Variants in C1QTNF3 observed in about 807,000 individuals in gnomAD.
C1QTNF3 encodes complement C1q tumor necrosis factor-related protein 3.
A neutral mutation model predicts 32.6 loss-of-function variants in C1QTNF3; 26 were observed. The observed-to-expected ratio is 0.80, with a 90% CI of 0.58 to 1.11. The LOEUF is 1.11. Among genes scored for constraint, C1QTNF3 ranks in the 50% least tolerant of loss-of-function variants. The probability of loss-of-function intolerance (pLI) is 0.00; values close to 1 mark genes in which losing one functional copy is unlikely to be tolerated. For missense variants in C1QTNF3, 362 were observed against 398.2 expected (o/e 0.91, Z 0.77); for synonymous variants, 155 against 146.0 (o/e 1.06, Z -0.44).
the C1QTNF3 span, among the ~76,000 whole-genome samples, chr5:34,209,904 T>G: frequency 6.6e-6 from 1 of 152,118 alleles, no homozygotes. Flanking sequence ...CTGGTCTCAA[T>G]AGTAAATCTG....
At chr5:34,112,909 C>G in the C1QTNF3 span, among the ~76,000 whole-genome samples, 1 of 151,844 alleles carries the variant, frequency 6.6e-6, no homozygotes, top group Non-Finnish European at 1.5e-5. Flanking sequence ...CACATGGTGA[C>G]AGAGGAGCAG....
At chr5:34,235,349 T>C in the C1QTNF3 span, among the ~76,000 whole-genome samples, 578 of 152,226 alleles carry the variant, frequency 3.8e-3, 1 homozygote, top group Non-Finnish European at 5.9e-3. Flanking sequence ...TGGAGACATT[T>C]TGAATTATAA....
the C1QTNF3 span, among the ~76,000 whole-genome samples, chr5:34,238,026 T>C: frequency 6.6e-6 from 1 of 152,206 alleles, no homozygotes; most frequent in African/African-American, 2.4e-5. Flanking sequence ...CATCAAAATT[T>C]ATCCTGCTAC....
At chr5:34,059,255 T>A in the C1QTNF3 span, among the ~76,000 whole-genome samples, 2 of 152,164 alleles carry the variant, frequency 1.3e-5, no homozygotes, top group African/African-American at 4.8e-5. Context: ...TGGTCGTCCA[T>A]GTGTGCACGT....
At chr5:34,128,013 G>C in the C1QTNF3 span, among the ~76,000 whole-genome samples, 1 of 152,178 alleles carries the variant, frequency 6.6e-6, no homozygotes, top group Admixed American at 6.5e-5. Context: ...CTTCACGGCT[G>C]CAACTCCCAT....
At chr5:34,145,599 A>C in the C1QTNF3 span, among the ~76,000 whole-genome samples, 1 of 151,704 alleles carries the variant, frequency 6.6e-6, no homozygotes, top group Admixed American at 6.5e-5. Context: ...AACTATTCCA[A>C]AAAATTGAGG....
the C1QTNF3 span, among the ~76,000 whole-genome samples, chr5:34,070,108 C>G: frequency 6.6e-6 from 1 of 152,156 alleles, no homozygotes; most frequent in Non-Finnish European, 1.5e-5. Context: ...GGATACACAG[C>G]TAGCCTACAT....
At chr5:34,213,704 A>ATGTGTATATATC in the C1QTNF3 span, among the ~76,000 whole-genome samples, 1 of 142,262 alleles carries the variant, frequency 7.0e-6, no homozygotes, top group African/African-American at 2.6e-5. Context: ...GTATATATAT[A>ATGTGTATATATC]TGTGTATATA....
chr5:34,112,845 G>A, the C1QTNF3 span, among the ~76,000 whole-genome samples: 1 of 152,106 alleles, frequency 6.6e-6, no homozygotes, highest in Non-Finnish European at 1.5e-5. Flanking sequence ...TGGTTATTCA[G>A]CAGTCCATGA....
At chr5:34,088,875 A>T in the C1QTNF3 span, among the ~76,000 whole-genome samples, 27 of 152,154 alleles carry the variant, frequency 1.8e-4, 1 homozygote, top group Middle Eastern at 3.4e-3. Context: ...CATTATTTAC[A>T]TGGGGAGAAT....
the C1QTNF3 span, chr5:34,158,727 A>G: frequency 6.6e-6 from 1 of 152,164 alleles, no homozygotes; most frequent in African/African-American, 2.4e-5. Flanking sequence ...AATATTTTTC[A>G]TAAGACCTTC....
At chr5:34,063,650 G>A in the C1QTNF3 span, among the ~76,000 whole-genome samples, 1 of 152,130 alleles carries the variant, frequency 6.6e-6, no homozygotes, top group African/African-American at 2.4e-5. Flanking sequence ...ACACATAACT[G>A]CCCATGTTGA....
the C1QTNF3 span, among the ~76,000 whole-genome samples, chr5:34,056,000 G>A: frequency 1.3e-5 from 2 of 152,114 alleles, no homozygotes; most frequent in Admixed American, 6.5e-5. Flanking sequence ...ACTTTAAGAT[G>A]CATCACCTAC....
At chr5:34,084,766 C>T in the C1QTNF3 span, among the ~76,000 whole-genome samples, 1 of 136,326 alleles carries the variant, frequency 7.3e-6, no homozygotes, top group South Asian at 2.3e-4. Flanking sequence ...TTCTCCCATT[C>T]TGTAGGTTGC....
At chr5:34,239,653 G>T in the C1QTNF3 span, among the ~76,000 whole-genome samples, 1 of 151,964 alleles carries the variant, frequency 6.6e-6, no homozygotes, top group African/African-American at 2.4e-5. Flanking sequence ...AGTTCTTTTT[G>T]GACTACAAAA....
chr5:34,107,944 C>T, the C1QTNF3 span, among the ~76,000 whole-genome samples: 1,871 of 151,966 alleles, frequency 0.012, 41 homozygotes, highest in African/African-American at 0.043. Flanking sequence ...AGCTGGTCTA[C>T]ACTCCTACTA....
chr5:34,052,131 G>A, the C1QTNF3 span, among the ~76,000 whole-genome samples: 14 of 152,024 alleles, frequency 9.2e-5, no homozygotes, highest in Admixed American at 2.0e-4. Context: ...GAGCAAGACC[G>A]CGTCTTAAAA....
the C1QTNF3 span, among the ~76,000 whole-genome samples, chr5:34,067,401 T>C: frequency 1.7e-4 from 26 of 152,310 alleles, no homozygotes; most frequent in African/African-American, 6.0e-4. Context: ...GACTGGGCAA[T>C]TTCCAAAAGA....
At chr5:34,075,443 AG>A in the C1QTNF3 span, among the ~76,000 whole-genome samples, 1 of 151,746 alleles carries the variant, frequency 6.6e-6, no homozygotes, top group Non-Finnish European at 1.5e-5. Flanking sequence ...GAGTATTAAC[AG>A]AGTTGAAGTA....
Sources: allele counts gnomAD v4.1 joint callset (sites outside exome capture counted in the v4.1 genomes callset), GRCh38; gene constraint gnomAD v4.1.1; transcripts MANE v1.5; gene names NCBI Gene and HGNC (gene_info 2026-07-23, HGNC 2026-07-21).